Variants in PPP3R1 observed in about 807,000 individuals in gnomAD.
PPP3R1 encodes protein phosphatase 3 regulatory subunit B, alpha, also known as calcineurin subunit B type 1.
In PPP3R1, 5 loss-of-function variants were observed where a neutral mutation model predicts 22.6. The observed-to-expected ratio is 0.22, with a 90% CI of 0.12 to 0.46. The LOEUF (loss-of-function observed/expected upper bound fraction) is 0.46. PPP3R1 is among the 20% of genes least tolerant of loss of function. PPP3R1 has a pLI of 0.99. For synonymous variants in PPP3R1, 56 were observed against 65.2 expected (o/e 0.86, Z 0.68); for missense variants, 61 against 203.2 (o/e 0.30, Z 4.25).
intron 1 of PPP3R1, among the ~76,000 whole-genome samples, chr2:68,221,624 T>A (rs1481008589): frequency 6.6e-6 from 1 of 151,874 alleles, no homozygotes; most frequent in African/African-American, 2.4e-5. Flanking sequence ...CCAAATTTGA[T>A]GAAAACTTTA....
intron 1 of PPP3R1, among the ~76,000 whole-genome samples, chr2:68,239,014 T>C (rs1473294426): frequency 2.0e-5 from 3 of 150,778 alleles, no homozygotes; most frequent in African/African-American, 7.5e-5. Flanking sequence ...ATAAACATAA[T>C]AAAATACTTT....
At chr2:68,223,917 T>C (rs1318088612) in intron 1 of PPP3R1, among the ~76,000 whole-genome samples, 1 of 151,600 alleles carries the variant, frequency 6.6e-6, no homozygotes, top group Non-Finnish European at 1.5e-5. Flanking sequence ...ACTAAAAAGC[T>C]ATCAAAACTA....
chr2:68,235,144 T>C (rs879020075), intron 1 of PPP3R1, among the ~76,000 whole-genome samples: 2 of 152,210 alleles, frequency 1.3e-5, no homozygotes, highest in Non-Finnish European at 2.9e-5. Context: ...GAATAATCTA[T>C]TATGGGTCAG....
intron 1 of PPP3R1, among the ~76,000 whole-genome samples, chr2:68,220,187 GAAACAC>G: frequency 6.6e-6 from 1 of 152,322 alleles, no homozygotes; most frequent in South Asian, 2.1e-4. Context: ...ACAGAGAACA[GAAACAC>G]AATCCCGAGA....
At chr2:68,202,994 C>T (rs1230964423) in intron 2 of PPP3R1, among the ~76,000 whole-genome samples, 2 of 151,802 alleles carry the variant, frequency 1.3e-5, no homozygotes, top group African/African-American at 4.8e-5. Context: ...TTATTAAAAA[C>T]CGTCTGTAAC....
chr2:68,227,891 T>C (rs552676699), intron 1 of PPP3R1, among the ~76,000 whole-genome samples: 1 of 152,196 alleles, frequency 6.6e-6, no homozygotes, highest in Non-Finnish European at 1.5e-5. Flanking sequence ...AAATTTTCTA[T>C]GTAGATAGTC....
In PPP3R1 at chr2:68,224,715, T is replaced by C. The variant is rs980017090; in HGVS notation, c.4-7584A>G. Among the ~76,000 whole-genome samples, 6 of 149,912 alleles carry C rather than the reference T, an allele frequency of 4.0e-5. No individual in the cohort carries two copies. In the East Asian group the frequency reaches 9.7e-4, roughly 24 times the overall value. Reference sequence around the variant, plus strand: ...CTAGTCATCAAAAGAGTGGTACTGGTGTAAGAACAGACAAATATCAATTGG... The same window carrying C: ...CTAGTCATCAAAAGAGTGGTACTGGCGTAAGAACAGACAAATATCAATTGG... On this transcript the variant is annotated intron_variant, in intron 1 of 5. Coordinates refer to ENST00000234310, the MANE Select transcript of PPP3R1 (RefSeq NM_000945.4).
At chr2:68,246,740 C>G (rs1284544478) in intron 1 of PPP3R1, among the ~76,000 whole-genome samples, 1 of 152,180 alleles carries the variant, frequency 6.6e-6, no homozygotes, top group Non-Finnish European at 1.5e-5. Flanking sequence ...TTTTTACATG[C>G]ACCATCTTTA....
chr2:68,230,684 T>C (rs1669879905), intron 1 of PPP3R1, among the ~76,000 whole-genome samples: 1 of 152,222 alleles, frequency 6.6e-6, no homozygotes, highest in South Asian at 2.1e-4. Flanking sequence ...TCTTTTGTTA[T>C]CTTTCTAGGG....
chr2:68,240,100 A>C (rs1292888146), intron 1 of PPP3R1, among the ~76,000 whole-genome samples: 3 of 152,224 alleles, frequency 2.0e-5, no homozygotes, highest in Admixed American at 6.5e-5. Flanking sequence ...TTCAACTTAC[A>C]ATGGGTTTAT....
chr2:68,187,669 C>T (rs1438126810), intron 3 of PPP3R1, among the ~76,000 whole-genome samples: 2 of 152,144 alleles, frequency 1.3e-5, no homozygotes, highest in Non-Finnish European at 2.9e-5. Context: ...TTCTGACACA[C>T]ACAAAAAACT....
At chr2:68,182,522 T>G (rs1236659881) in intron 5 of PPP3R1, among the ~76,000 whole-genome samples, 2 of 151,952 alleles carry the variant, frequency 1.3e-5, no homozygotes, top group African/African-American at 4.8e-5. Context: ...CATCAGAAAT[T>G]CAGCATTTTT....
chr2:68,181,717 T>C (rs1674407423), intron 5 of PPP3R1, among the ~76,000 whole-genome samples: 1 of 151,998 alleles, frequency 6.6e-6, no homozygotes, highest in Non-Finnish European at 1.5e-5. Flanking sequence ...ACTTCAGTAG[T>C]TTAATATCAC....
intron 2 of PPP3R1, among the ~76,000 whole-genome samples, chr2:68,201,407 TTC>T (rs1343001236): frequency 2.6e-5 from 4 of 152,228 alleles, no homozygotes; most frequent in Non-Finnish European, 5.9e-5. Context: ...ATCCCCCAGT[TTC>T]TTTTTTTTCT....
chr2:68,211,259 T>C (rs1669477220), intron 2 of PPP3R1, among the ~76,000 whole-genome samples: 1 of 147,354 alleles, frequency 6.8e-6, no homozygotes, highest in African/African-American at 2.7e-5. Context: ...ACAAAAAAAT[T>C]AGCCCGGCGT....
chr2:68,183,715 G>C (rs926990882), intron 5 of PPP3R1, among the ~76,000 whole-genome samples: 2 of 152,006 alleles, frequency 1.3e-5, no homozygotes, highest in African/African-American at 4.8e-5. Flanking sequence ...ATTTTTACTG[G>C]TCTTGTCTAA....
chr2:68,209,611 A>G (rs62145959), intron 2 of PPP3R1, among the ~76,000 whole-genome samples: 44,100 of 151,520 alleles, frequency 0.29, 7,666 homozygotes, highest in South Asian at 0.53. Context: ...TAAAAAACTT[A>G]GCCAGGAGTG....
At chr2:68,231,063 G>A (rs1431254589) in intron 1 of PPP3R1, among the ~76,000 whole-genome samples, 2 of 152,090 alleles carry the variant, frequency 1.3e-5, no homozygotes, top group African/African-American at 4.8e-5. Context: ...ATTTCCTTAA[G>A]TACTTTTTCA....
intron 1 of PPP3R1, among the ~76,000 whole-genome samples, chr2:68,224,315 G>A (rs62143861): frequency 0.4 from 61,451 of 151,910 alleles, 12,870 homozygotes; most frequent in South Asian, 0.62. Flanking sequence ...AACAGCCAAG[G>A]GATCTGAATG....
Sources: gnomAD v4.1 joint callset for allele counts (sites outside exome capture counted in the v4.1 genomes callset) on GRCh38, gnomAD v4.1.1 for gene constraint, MANE v1.5 for transcripts, NCBI Gene and HGNC (gene_info 2026-07-23, HGNC 2026-07-21) for gene names.